DMD: variants seen among roughly 807,000 people sequenced by gnomAD.
DMD encodes mutant dystrophin.
A neutral mutation model predicts 330.1 loss-of-function variants in DMD; 63 were observed. The ratio of observed to expected loss-of-function variants is 0.19; its 90% CI spans 0.16 to 0.24. The LOEUF (loss-of-function observed/expected upper bound fraction) is 0.24, where lower values mean the gene tolerates loss of function less well. Ranked by LOEUF, DMD falls within the 10% of genes least tolerant of loss-of-function variation. DMD has a pLI of 1.00. For missense variants in DMD, 3,344 were observed against 2,684.1 expected (o/e 1.25, Z -5.43); for synonymous variants, 1,223 against 959.8 (o/e 1.27, Z -5.07).
chrX:32,146,029 T>G, intron 44 of DMD, among the ~76,000 whole-genome samples: 1 of 111,585 alleles, frequency 9.0e-6, no homozygotes, highest in Non-Finnish European at 1.9e-5. Flanking sequence ...ATGAAATAAC[T>G]TACATGAAAT....
intron 20 of DMD, among the ~76,000 whole-genome samples, chrX:32,487,778 G>A (rs1285358695): frequency 1.8e-5 from 2 of 111,520 alleles, no homozygotes; most frequent in Non-Finnish European, 3.8e-5. Flanking sequence ...GATTAAAGAC[G>A]TTTAGCAAAA....
chrX:31,306,662 A>G (rs2055059184), intron 62 of DMD, among the ~76,000 whole-genome samples: 1 of 112,051 alleles, frequency 8.9e-6, no homozygotes, highest in Non-Finnish European at 1.9e-5. Context: ...TCCTAAATTG[A>G]CAAAGTACTA....
At chrX:32,958,924 G>T (rs1011701630) in intron 2 of DMD, among the ~76,000 whole-genome samples, 1 of 110,435 alleles carries the variant, frequency 9.1e-6, no homozygotes, top group African/African-American at 3.3e-5. Context: ...GCTTTAACAT[G>T]CAGAACTGCT....
intron 30 of DMD, among the ~76,000 whole-genome samples, chrX:32,400,656 G>C (rs1380107404): frequency 5.5e-5 from 6 of 109,947 alleles, no homozygotes; most frequent in Non-Finnish European, 9.5e-5. Context: ...AGTTAGAATG[G>C]CAATCATTCA....
intron 43 of DMD, among the ~76,000 whole-genome samples, chrX:32,243,394 C>T (rs957704470): frequency 9.0e-6 from 1 of 111,663 alleles, no homozygotes; most frequent in African/African-American, 3.3e-5. Context: ...ACTGGCTCAA[C>T]ATCTTAAGGA....
chrX:32,650,878 A>G (rs1386728123), intron 9 of DMD, among the ~76,000 whole-genome samples: 1 of 111,919 alleles, frequency 8.9e-6, no homozygotes, highest in Non-Finnish European at 1.9e-5. Flanking sequence ...GTGTCAGTCA[A>G]TTTGCTAATC....
chrX:31,674,173 C>T (rs906399271), intron 53 of DMD, among the ~76,000 whole-genome samples: 6 of 111,718 alleles, frequency 5.4e-5, no homozygotes, highest in Admixed American at 9.5e-5. Flanking sequence ...TTTCCACTAC[C>T]GTACATATTT....
chrX:32,076,162 A>C (rs1455571009), intron 44 of DMD, among the ~76,000 whole-genome samples: 1 of 105,658 alleles, frequency 9.5e-6, no homozygotes, highest in African/African-American at 3.4e-5. Flanking sequence ...AATGGGAGAC[A>C]CAAAGGAATG....
At chrX:31,514,893 T>A (rs897253500) in intron 55 of DMD, among the ~76,000 whole-genome samples, 1 of 111,064 alleles carries the variant, frequency 9.0e-6, no homozygotes, top group Non-Finnish European at 1.9e-5. Context: ...GGACAATGAA[T>A]TGCACAACCT....
intron 1 of DMD, among the ~76,000 whole-genome samples, chrX:33,042,298 T>A (rs1003532260): frequency 1.8e-5 from 2 of 111,888 alleles, no homozygotes; most frequent in Admixed American, 9.6e-5. Context: ...ACCCATTCTG[T>A]CACATTTTCA....
At position 32,483,146 on chromosome X, in the gene DMD, C is replaced by CATATATATATATATATATATAT. The variant is rs201134649; in HGVS notation, c.2803+1772_2803+1773insATATATATATATATATATATAT. On this transcript the variant is annotated intron_variant, in intron 21 of 78. Transcript: ENST00000357033. ...ATTTCATATGCTACATTTTTCATTCCATATATATATATATATATACACCAT... is the reference window on the plus strand; with the variant it reads ...ATTTCATATGCTACATTTTTCATTCCATATATATATATATATATATATATATATATATATATATATACACCAT... Among the ~76,000 whole-genome samples, 114 of 39,250 alleles carry CATATATATATATATATATATAT rather than the reference C, an allele frequency of 2.9e-3. 6 individuals are homozygous for CATATATATATATATATATATAT. The highest frequency in any genetic ancestry group is 6.8e-3 in the African/African-American group (107 of 15,765). 34.1% of individuals were successfully genotyped at this position (39,250 alleles called of 115,157 possible).
At chrX:32,265,793 C>T (rs1184469039) in intron 43 of DMD, among the ~76,000 whole-genome samples, 1 of 112,234 alleles carries the variant, frequency 8.9e-6, no homozygotes, top group Non-Finnish European at 1.9e-5. Context: ...GCCAATTTCT[C>T]CCATCTGGAA....
At chrX:32,510,606 C>T (rs1444323631) in intron 18 of DMD, among the ~76,000 whole-genome samples, 1 of 111,485 alleles carries the variant, frequency 9.0e-6, no homozygotes, top group African/African-American at 3.3e-5. Flanking sequence ...ATAAGGCGAG[C>T]TCTATTTTAG....
At chrX:31,742,934 G>T (rs1193092052) in intron 51 of DMD, among the ~76,000 whole-genome samples, 1 of 111,690 alleles carries the variant, frequency 9.0e-6, no homozygotes, top group African/African-American at 3.3e-5. Context: ...GAATATATTT[G>T]CAAACTATGC....
intron 44 of DMD, among the ~76,000 whole-genome samples, chrX:32,055,898 C>G (rs1407386899): frequency 2.7e-5 from 3 of 111,136 alleles, no homozygotes; most frequent in African/African-American, 9.8e-5. Context: ...TTAGTCCTGT[C>G]TGTTTGTATC....
At chrX:31,458,466 T>A (rs755615537) in intron 59 of DMD, among the ~76,000 whole-genome samples, 1 of 100,407 alleles carries the variant, frequency 1.0e-5, no homozygotes, top group Admixed American at 1.1e-4. Context: ...CTTACACAAA[T>A]GAGTCTAAGT....
intron 44 of DMD, among the ~76,000 whole-genome samples, chrX:32,075,314 C>T (rs2096335354): frequency 9.0e-6 from 1 of 111,361 alleles, no homozygotes; most frequent in Non-Finnish European, 1.9e-5. Context: ...GAGAAAGCAC[C>T]CAAGCCTACA....
At chrX:33,102,841 G>A (rs897016153) in intron 1 of DMD, among the ~76,000 whole-genome samples, 1 of 111,875 alleles carries the variant, frequency 8.9e-6, no homozygotes, top group African/African-American at 3.3e-5. Context: ...TTAAGTGAAC[G>A]CTTTTCATTG....
intron 50 of DMD, among the ~76,000 whole-genome samples, chrX:31,809,850 C>T (rs1569441046): frequency 9.1e-6 from 1 of 110,414 alleles, no homozygotes; most frequent in South Asian, 3.8e-4. Context: ...ATATATATAT[C>T]TGTCAGCTGT....
Sources: gnomAD v4.1 joint callset for allele counts (sites outside exome capture counted in the v4.1 genomes callset) on GRCh38, gnomAD v4.1.1 for gene constraint, MANE v1.5 for transcripts, NCBI Gene and HGNC (gene_info 2026-07-23, HGNC 2026-07-21) for gene names.